Variants in ZMAT1 observed in about 807,000 individuals in gnomAD.
ZMAT1 encodes the protein zinc finger matrin-type protein 1.
ZMAT1 carries 11 observed loss-of-function variants against 18.5 expected under a neutral mutation model. The ratio of observed to expected loss-of-function variants is 0.59; its 90% CI spans 0.37 to 0.98. ZMAT1 has a LOEUF of 0.98. Ranked by LOEUF, ZMAT1 falls within the 50% of genes least tolerant of loss-of-function variation. The probability of loss-of-function intolerance (pLI) is 0.01; values close to 1 mark genes in which losing one functional copy is unlikely to be tolerated. For missense variants in ZMAT1, 525 were observed against 496.2 expected, an observed-to-expected ratio of 1.06 and a Z score of -0.55; for synonymous variants, 211 against 176.4, an observed-to-expected ratio of 1.20 and a Z score of -1.55.
intron 1 of ZMAT1, among the ~76,000 whole-genome samples, chrX:101,919,038 A>G (rs1333195574): frequency 9.0e-6 from 1 of 111,265 alleles, no homozygotes; most frequent in Non-Finnish European, 1.9e-5. Flanking sequence ...TTTTTTAATC[A>G]AATGGCATAA....
intron 4 of ZMAT1, chrX:101,892,790 T>C (rs1166738906): frequency 1.4e-6 from 1 of 700,536 alleles, no homozygotes; most frequent in Non-Finnish European, 1.7e-6. Context: ...GTGAGAATGA[T>C]GAAGAAAAAG....
At chrX:101,923,585 T>C (rs2147678050) in intron 1 of ZMAT1, among the ~76,000 whole-genome samples, 1 of 111,796 alleles carries the variant, frequency 8.9e-6, no homozygotes, top group South Asian at 3.7e-4. Flanking sequence ...CTCTTAATCT[T>C]CCATTATCTT....
intron 1 of ZMAT1, among the ~76,000 whole-genome samples, chrX:101,922,731 T>C (rs969579026): frequency 2.7e-5 from 3 of 111,175 alleles, no homozygotes; most frequent in African/African-American, 9.8e-5. Context: ...GAAACATATG[T>C]CTGATTCACA....
chrX:101,931,767 CCCGCCGCCGCCATAGTGGAGCCGCCAAAG>C lies in ZMAT1; in HGVS notation c.213_241del (p.Phe72GlufsTer5). 9.1e-6 allele frequency: 7 copies of C among 772,873 alleles called. No individual in the cohort carries two copies. Among genetic ancestry groups the C allele is most frequent in the Non-Finnish European group, 1.1e-5 (7 of 652,670 alleles). 63.7% of individuals were successfully genotyped at this position (772,873 alleles called of 1,213,427 possible). A position where few individuals can be genotyped will look rare whatever the true frequency, so the allele number is the denominator to read the frequency against. On this transcript the variant is annotated frameshift_variant, in exon 1 of 6. Coordinates refer to ENST00000651725, the MANE Select transcript of ZMAT1 (RefSeq NM_001394560.1). LOFTEE classifies it high-confidence loss of function. ...TACTTTAAAACTACTGCCCCCCCTCCCCGCCGCCGCCATAGTGGAGCCGCCAAAGCCGCCGCCGCCGCCGTCGCCACAGC... is the reference window on the plus strand; with the variant it reads ...TACTTTAAAACTACTGCCCCCCCTCCCCGCCGCCGCCGCCGTCGCCACAGC...
At chrX:101,906,272 A>T (rs1928618019) in intron 1 of ZMAT1, among the ~76,000 whole-genome samples, 2 of 111,339 alleles carry the variant, frequency 1.8e-5, no homozygotes, top group Admixed American at 1.9e-4. Flanking sequence ...CATCAGGCCA[A>T]CCTCAGCAGT....
chrX:101,910,676 A>G (rs1928905541), intron 1 of ZMAT1, among the ~76,000 whole-genome samples: 1 of 112,339 alleles, frequency 8.9e-6, no homozygotes, highest in Non-Finnish European at 1.9e-5. Flanking sequence ...AGAACAGATA[A>G]AGCAGAAGAA....
chrX:101,926,834 T>TA (rs1930085722), intron 1 of ZMAT1, among the ~76,000 whole-genome samples: 1 of 112,443 alleles, frequency 8.9e-6, no homozygotes, highest in African/African-American at 3.2e-5. Context: ...GTCAGATGTT[T>TA]ATGGGAAAAA....
In ZMAT1 at chrX:101,884,092, T is replaced by C; in HGVS notation, c.1506A>G (p.Pro502=). 8.3e-7 allele frequency: 1 copy of C among 1,209,467 alleles called. No individual in the cohort carries two copies. The highest frequency in any genetic ancestry group is 1.1e-6 in the Non-Finnish European group (1 of 895,137). ...CTGAATAGGTCTGGAAAGTCTCACA[T>C]GGGAGCTTTTGCTCCAACATTCTAT... ...PRHRMLEQKL[P]CETFQTYSGP... is the part of the protein sequence containing the mutation. The change falls in exon 6 of 6, where the codon CCA becomes CCG. Residue 502 remains proline, a synonymous_variant. Coordinates refer to ENST00000651725, the MANE Select transcript of ZMAT1 (RefSeq NM_001394560.1).
Position 101,884,421 on chromosome X carries a change from T to A in ZMAT1, c.1177A>T (p.Thr393Ser). The A allele has an allele frequency of 8.3e-7, 1 of 1,210,935 alleles. No homozygotes were observed. Among genetic ancestry groups the A allele is most frequent in the Non-Finnish European group, 1.1e-6 (1 of 895,147 alleles). ...TCAACCATTTCTCTGTACCCATGAG[T>A]ATCCACAGAGTTCTCTCTCATCTTT... is the stretch of plus-strand genomic sequence containing the variant. ...FRKMRENSVDTHGYREMVDSG... is the reference protein window; with the variant it reads ...FRKMRENSVDSHGYREMVDSG... Residue 393 changes from threonine (T) to serine (S), a missense_variant, in exon 6 of 6, where the codon ACT becomes TCT. Thr to Ser is a moderately conservative substitution (Grantham distance 58). Transcript: ENST00000651725.
chrX:101,898,211 G>A lies in ZMAT1; in HGVS notation c.409C>T (p.His137Tyr). Residue 137 changes from histidine (H) to tyrosine (Y), a missense_variant, in exon 3 of 6, where the codon CAT becomes TAT. Physicochemically the swap from His to Tyr is moderately conservative, Grantham distance 83 (BLOSUM62 2). Transcript: ENST00000651725. ...AAATAAAAACTAACATTTTGAGCAT[G>A]TTTTTCACCCTGAAAAAAGATATAA... ...QRISHYEGEK[H>Y]AQNVSFYFQM... 1 of 1,203,707 alleles carries A rather than the reference G, an allele frequency of 8.3e-7. No individual in the cohort carries two copies. The highest frequency in any genetic ancestry group is 1.1e-6 in the Non-Finnish European group (1 of 889,082).
chrX:101,921,572 A>T (rs1240111997), intron 1 of ZMAT1, among the ~76,000 whole-genome samples: 2 of 111,878 alleles, frequency 1.8e-5, no homozygotes, highest in Non-Finnish European at 3.8e-5. Flanking sequence ...GTAAAATGGG[A>T]CCACCTTTTT....
chrX:101,920,737 A>C (rs902484745), intron 1 of ZMAT1, among the ~76,000 whole-genome samples: 1 of 112,498 alleles, frequency 8.9e-6, no homozygotes, highest in African/African-American at 3.2e-5. Context: ...CTAATGTAAA[A>C]ATAATTAATC....
intron 1 of ZMAT1, among the ~76,000 whole-genome samples, chrX:101,910,965 T>C (rs770761428): frequency 9.0e-6 from 1 of 110,885 alleles, no homozygotes; most frequent in South Asian, 3.8e-4. Flanking sequence ...CAAAGACGAC[T>C]ACCCCAAGGC....
intron 1 of ZMAT1, among the ~76,000 whole-genome samples, chrX:101,923,003 C>G (rs892454955): frequency 9.0e-6 from 1 of 111,323 alleles, no homozygotes; most frequent in Non-Finnish European, 1.9e-5. Flanking sequence ...GGAACTAATG[C>G]TTACTGAGAA....
intron 1 of ZMAT1, among the ~76,000 whole-genome samples, chrX:101,906,897 A>C (rs1381879112): frequency 9.0e-6 from 1 of 110,701 alleles, no homozygotes; most frequent in African/African-American, 3.3e-5. Flanking sequence ...CAGAGGACCC[A>C]GGCTCCAGGC....
intron 5 of ZMAT1, among the ~76,000 whole-genome samples, chrX:101,885,185 G>A (rs1926844275): frequency 9.0e-6 from 1 of 111,425 alleles, no homozygotes. Flanking sequence ...TATATCTGAT[G>A]TTGTTGTAGC....
At chrX:101,906,793 G>C (rs1287266571) in intron 1 of ZMAT1, among the ~76,000 whole-genome samples, 1 of 109,578 alleles carries the variant, frequency 9.1e-6, no homozygotes, top group Non-Finnish European at 1.9e-5. Flanking sequence ...AGCCCAAGTA[G>C]CTCCAGGCAT....
At chrX:101,931,622 G>A in intron 1 of ZMAT1, 95 bp downstream of exon 1, 2 of 717,148 alleles carry the variant, frequency 2.8e-6, no homozygotes, top group Non-Finnish European at 3.3e-6. Flanking sequence ...TGGGGGTGGG[G>A]CAGTGGCGAA....
In ZMAT1 at chrX:101,883,835, T is replaced by G. The variant is rs1319010302; in HGVS notation, c.1763A>C (p.Gln588Pro). Residue 588 changes from glutamine to proline, a missense_variant, in exon 6 of 6, where the codon CAA becomes CCA. Transcript: ENST00000651725. Reference protein sequence around the residue: ...LSSENNTADHQAGHKRKHQKR... With the variant: ...LSSENNTADHPAGHKRKHQKR... Reference sequence around the variant, plus strand: ...CTGATGTTTCCGTTTATGACCTGCTTGATGGTCAGCAGTATTGTTTTCTGA... The same window carrying G: ...CTGATGTTTCCGTTTATGACCTGCTGGATGGTCAGCAGTATTGTTTTCTGA... 8.3e-7 allele frequency: 1 copy of G among 1,210,581 alleles called. No homozygotes were observed. The highest frequency in any genetic ancestry group is 2.2e-5 in the Admixed American group (1 of 45,808).
Sources: allele counts gnomAD v4.1 joint callset (sites outside exome capture counted in the v4.1 genomes callset), GRCh38; gene constraint gnomAD v4.1.1; transcripts MANE v1.5; gene names NCBI Gene and HGNC (gene_info 2026-07-23, HGNC 2026-07-21).